Variants in DLGAP2 observed in about 807,000 individuals in gnomAD.
DLGAP2 encodes the protein DLG associated protein 2, also known as disks large-associated protein 2.
In DLGAP2, 26 loss-of-function variants were observed where a neutral mutation model predicts 100.3. The observed-to-expected ratio is 0.26, with a 90% CI of 0.19 to 0.36. The LOEUF (loss-of-function observed/expected upper bound fraction) is 0.36, where lower values mean the gene tolerates loss of function less well. Among genes scored for constraint, DLGAP2 ranks in the 10% least tolerant of loss-of-function variants. The probability of loss-of-function intolerance (pLI) is 1.00; values close to 1 mark genes in which losing one functional copy is unlikely to be tolerated. For synonymous variants in DLGAP2, 886 were observed against 630.1 expected, an observed-to-expected ratio of 1.41 and a Z score of -6.08; for missense variants, 1,858 against 1,453.2, an observed-to-expected ratio of 1.28 and a Z score of -4.53.
At chr8:1,021,852 T>C (rs1801632202) in intron 2 of DLGAP2, among the ~76,000 whole-genome samples, 1 of 152,132 alleles carries the variant, frequency 6.6e-6, no homozygotes, top group Admixed American at 6.5e-5. Context: ...GTTCTGCCTG[T>C]GACGTGTTCC....
At chr8:1,228,820 C>T (rs1455785299) in intron 2 of DLGAP2, among the ~76,000 whole-genome samples, 1 of 152,130 alleles carries the variant, frequency 6.6e-6, no homozygotes, top group Non-Finnish European at 1.5e-5. Context: ...ATAGTTAACA[C>T]CATACGTAAT....
rs986388152 is a variant in DLGAP2 at position 1,707,298 on chromosome 8, G to A, written c.*5892G>A. The A allele has an allele frequency of 6.6e-6, 1 of 152,380 alleles. No individual in the cohort carries two copies. Among genetic ancestry groups the A allele is most frequent in the African/African-American group, 2.4e-5 (1 of 41,444 alleles). The allele number at this position is 152,380 out of a possible 1,614,324, so 9.4% of individuals were successfully genotyped here. ...TTAAGTTCAAATTTATCTCTTTCAA[G>A]TAGACCATGGTCTCCCTAGAGAGTG... On this transcript the variant is annotated 3_prime_UTR_variant, in exon 15 of 15. Transcript: ENST00000637795.
rs1461384746 is a variant in DLGAP2, at chr8:1,175,755, T to C, written c.74-83096T>C. ...TCTGTGTGAATGAATAACTAGATCT[T>C]TGTCATTCACCCTATACCTCATCGG... On this transcript the variant is annotated intron_variant, in intron 2 of 14. Coordinates refer to ENST00000637795, the MANE Select transcript of DLGAP2 (RefSeq NM_001346810.2). 5.9e-5 allele frequency among the ~76,000 whole-genome samples: 9 copies of C among 152,224 alleles called. No homozygotes were observed. The East Asian group carries it at 1.7e-3, about 29-fold the overall frequency.
chr8:1,550,037 G>T (rs145572062), intron 5 of DLGAP2, among the ~76,000 whole-genome samples: 12 of 152,204 alleles, frequency 7.9e-5, no homozygotes, highest in African/African-American at 2.4e-4. Context: ...CCCATCCCCA[G>T]TCCCTCTGGT....
chr8:1,446,271 A>C (rs2130089133), intron 3 of DLGAP2, among the ~76,000 whole-genome samples: 1 of 152,230 alleles, frequency 6.6e-6, no homozygotes, highest in African/African-American at 2.4e-5. Context: ...TTTTTGTATA[A>C]GGTGTAAGGA....
rs1412874783 is a variant in DLGAP2, at chr8:1,691,639, T to G, written c.2796+13T>G. On this transcript the variant is annotated intron_variant, in intron 13 of 14. Coordinates refer to ENST00000637795, the MANE Select transcript of DLGAP2 (RefSeq NM_001346810.2). The stretch of plus-strand genomic sequence containing the variant: ...CCAACAGAATATGGTAAGTGAATCC[T>G]CAGTGAACCCCTGTTCCCTGTAACC... 2 of 1,605,406 alleles carry G rather than the reference T, an allele frequency of 1.2e-6. No individual in the cohort carries two copies. The highest frequency in any genetic ancestry group is 1.7e-6 in the Non-Finnish European group (2 of 1,172,744).
chr8:1,055,027 A>T (rs755162292), intron 2 of DLGAP2, among the ~76,000 whole-genome samples: 2 of 152,252 alleles, frequency 1.3e-5, no homozygotes, highest in East Asian at 3.8e-4. Context: ...TTGAGGCCAC[A>T]TGGTCAGAAA....
intron 2 of DLGAP2, among the ~76,000 whole-genome samples, chr8:1,158,816 T>TC (rs1796839897): frequency 6.6e-6 from 1 of 152,230 alleles, no homozygotes; most frequent in Admixed American, 6.5e-5. Context: ...CAGTTTTTTT[T>TC]CTTGTGTGTT....
chr8:797,235 CA>C (rs1274803407), intron 1 of DLGAP2, among the ~76,000 whole-genome samples: 7 of 152,184 alleles, frequency 4.6e-5, no homozygotes, highest in Non-Finnish European at 1.5e-5. Context: ...CCACCGTCCC[CA>C]GGGGCTCTCA....
At chr8:947,150 A>T (rs1232341848) in intron 2 of DLGAP2, among the ~76,000 whole-genome samples, 1 of 152,204 alleles carries the variant, frequency 6.6e-6, no homozygotes, top group Non-Finnish European at 1.5e-5. Context: ...TCAATTGAAC[A>T]CAGCAGCCGA....
chr8:1,488,020 A>G (rs1799274609), intron 3 of DLGAP2, among the ~76,000 whole-genome samples: 1 of 110,288 alleles, frequency 9.1e-6, no homozygotes, highest in Non-Finnish European at 2.3e-5. Flanking sequence ...AGGAGTTTCC[A>G]TCATCGCTGA....
intron 2 of DLGAP2, among the ~76,000 whole-genome samples, chr8:1,093,065 C>T (rs951686674): frequency 5.3e-5 from 8 of 152,134 alleles, no homozygotes; most frequent in Admixed American, 4.6e-4. Context: ...GCAGCTGAGG[C>T]TGAAAACCGA....
intron 3 of DLGAP2, among the ~76,000 whole-genome samples, chr8:1,425,712 CCT>C (rs1205640134): frequency 6.6e-6 from 1 of 152,100 alleles, no homozygotes; most frequent in African/African-American, 2.4e-5. Context: ...GGAACTGGCC[CCT>C]GTGGGCTCAT....
At chr8:1,462,637 A>G (rs978946053) in intron 3 of DLGAP2, among the ~76,000 whole-genome samples, 1 of 152,166 alleles carries the variant, frequency 6.6e-6, no homozygotes, top group Non-Finnish European at 1.5e-5. Context: ...TTCCTCCCGC[A>G]CTCGGTCATC....
At chr8:1,466,283 A>G (rs1186333178) in intron 3 of DLGAP2, among the ~76,000 whole-genome samples, 1 of 152,064 alleles carries the variant, frequency 6.6e-6, no homozygotes, top group Non-Finnish European at 1.5e-5. Context: ...TTAACTGACA[A>G]TTTGGTGCCA....
At chr8:1,363,082 G>T (rs1802022004) in intron 3 of DLGAP2, among the ~76,000 whole-genome samples, 2 of 152,240 alleles carry the variant, frequency 1.3e-5, no homozygotes, top group African/African-American at 4.8e-5. Flanking sequence ...TCTGTCTGAA[G>T]TCTTCTCATT....
intron 2 of DLGAP2, among the ~76,000 whole-genome samples, chr8:1,159,382 T>G (rs887107771): frequency 6.6e-6 from 1 of 152,266 alleles, no homozygotes; most frequent in Non-Finnish European, 1.5e-5. Flanking sequence ...CTTTCAGGAC[T>G]GATTTATTCT....
intron 2 of DLGAP2, among the ~76,000 whole-genome samples, chr8:1,010,997 G>T (rs1443779164): frequency 6.6e-6 from 1 of 151,780 alleles, no homozygotes; most frequent in Admixed American, 6.6e-5. Context: ...CGGGCGAGGG[G>T]CCTCAGTCTA....
At chr8:1,090,423 CA>C (rs1387910971) in intron 2 of DLGAP2, among the ~76,000 whole-genome samples, 29 of 152,276 alleles carry the variant, frequency 1.9e-4, no homozygotes, top group Non-Finnish European at 3.5e-4. Context: ...CCCTCCTGGC[CA>C]GGCAGGGCAG....
Sources: allele counts gnomAD v4.1 joint callset (sites outside exome capture counted in the v4.1 genomes callset), GRCh38; gene constraint gnomAD v4.1.1; transcripts MANE v1.5; gene names NCBI Gene and HGNC (gene_info 2026-07-23, HGNC 2026-07-21).